Variants in PUS10 observed in about 807,000 individuals in gnomAD.
PUS10 encodes the protein tRNA pseudouridine synthase Pus10.
PUS10 carries 59 observed loss-of-function variants against 75.0 expected under a neutral mutation model. The ratio of observed to expected loss-of-function variants is 0.79; its 90% CI spans 0.64 to 0.98. The LOEUF (loss-of-function observed/expected upper bound fraction) is 0.98, where lower values mean the gene tolerates loss of function less well. Among genes scored for constraint, PUS10 ranks in the 50% least tolerant of loss-of-function variants. The pLI, the probability that PUS10 is intolerant of heterozygous loss-of-function variation, is 0.00. For missense variants in PUS10, 650 were observed against 614.4 expected (o/e 1.06, Z -0.61); for synonymous variants, 219 against 211.6 (o/e 1.03, Z -0.30).
chr2:60,966,668 A>T (rs1348703207), intron 6 of PUS10: 1 of 152,260 alleles, frequency 6.6e-6, no homozygotes, highest in South Asian at 2.1e-4. Flanking sequence ...TTTCCTCTTC[A>T]TGCTATCTGT....
In PUS10 at chr2:61,010,758, A is replaced by C. The variant is rs968949460; in HGVS notation, c.126+1007T>G. On this transcript the variant is annotated intron_variant, in intron 2 of 17. Transcript: ENST00000316752. ...CTGGAAAGTGGTGGAACTGGGATTCAAATCCATGTCTTCTAGTTCCAAATC... is the reference window on the plus strand; with the variant it reads ...CTGGAAAGTGGTGGAACTGGGATTCCAATCCATGTCTTCTAGTTCCAAATC... 4 of 1,548,530 alleles carry C rather than the reference A, an allele frequency of 2.6e-6. No individual in the cohort carries two copies. In the African/African-American group the frequency reaches 5.5e-5, roughly 21 times the overall value.
chr2:60,987,718 T>G (rs568113459), intron 4 of PUS10, among the ~76,000 whole-genome samples: 65 of 151,070 alleles, frequency 4.3e-4, no homozygotes, highest in Non-Finnish European at 8.7e-4. Context: ...AGGTCAGGAG[T>G]TCGAGACAAG....
chr2:61,012,887 T>TATATATATATATATATACACAC, intron 1 of PUS10, among the ~76,000 whole-genome samples: 1 of 88,898 alleles, frequency 1.1e-5, no homozygotes, highest in Non-Finnish European at 2.3e-5. Flanking sequence ...TATATATATA[T>TATATATATATATATATACACAC]ACACACACAC....
intron 15 of PUS10, among the ~76,000 whole-genome samples, chr2:60,948,859 G>A (rs754721151): frequency 1.3e-5 from 2 of 152,008 alleles, no homozygotes; most frequent in Non-Finnish European, 2.9e-5. Context: ...AGAGGTTAAC[G>A]CTGTAAAAGG....
chr2:60,965,800 T>A (rs1466072630), intron 6 of PUS10: 1 of 191,848 alleles, frequency 5.2e-6, no homozygotes, highest in African/African-American at 2.4e-5. Flanking sequence ...TGAAAATAAA[T>A]AATAACAGAG....
At chr2:60,961,630 G>T in intron 9 of PUS10, 82 bp from the exon 10 acceptor site, 1 of 1,166,050 alleles carries the variant, frequency 8.6e-7, no homozygotes, top group South Asian at 1.2e-5. Context: ...CATTGTCTGA[G>T]ACATACACAG....
intron 17 of PUS10, among the ~76,000 whole-genome samples, chr2:60,943,814 T>A (rs991054601): frequency 1.3e-5 from 2 of 151,724 alleles, no homozygotes; most frequent in Non-Finnish European, 2.9e-5. Flanking sequence ...CAAGTTGTAG[T>A]GCTTAAAAAG....
At chr2:61,008,631 G>A in intron 3 of PUS10, 130 bp downstream of exon 3, 1 of 738,148 alleles carries the variant, frequency 1.4e-6, no homozygotes, top group Non-Finnish European at 2.1e-6. Flanking sequence ...CTGCACTTCA[G>A]CCTAGGCAAC....
chr2:61,012,867 AATATAT>A (rs1559006783), intron 1 of PUS10, among the ~76,000 whole-genome samples: 16 of 27,742 alleles, frequency 5.8e-4, no homozygotes, highest in East Asian at 5.2e-3. Context: ...AAAAAAAAAA[AATATAT>A]ATATATATAT....
At chr2:60,991,159 A>G (rs1419275640) in intron 4 of PUS10, among the ~76,000 whole-genome samples, 2 of 152,172 alleles carry the variant, frequency 1.3e-5, no homozygotes, top group Admixed American at 6.5e-5. Context: ...GATTACAGGC[A>G]TGAGTCCCTG....
intron 11 of PUS10, among the ~76,000 whole-genome samples, chr2:60,957,219 A>G (rs1324614239): frequency 1.3e-5 from 2 of 152,176 alleles, no homozygotes; most frequent in Non-Finnish European, 2.9e-5. Context: ...GCCTTGTCTC[A>G]TCCCCCTAAG....
At chr2:60,943,958 T>TCAA (rs1254793827) in intron 17 of PUS10, among the ~76,000 whole-genome samples, 2 of 151,474 alleles carry the variant, frequency 1.3e-5, no homozygotes, top group Non-Finnish European at 2.9e-5. Flanking sequence ...AGACCCCATC[T>TCAA]CAACAACAAC....
intron 1 of PUS10, 50 bp from the exon 2 acceptor site, chr2:61,011,955 C>G: frequency 2.1e-6 from 3 of 1,452,162 alleles, no homozygotes; most frequent in Non-Finnish European, 2.8e-6. Context: ...GTTTTACTGT[C>G]ACAGACAAGT....
intron 15 of PUS10, among the ~76,000 whole-genome samples, chr2:60,950,957 T>A (rs531343403): frequency 6.6e-6 from 1 of 152,334 alleles, no homozygotes; most frequent in African/African-American, 2.4e-5. Flanking sequence ...ACTACATTTC[T>A]ACTGAGAACT....
rs1400169909 is a variant in PUS10 at position 60,964,924 on chromosome 2, T to G, written c.723+134A>C. On this transcript the variant is annotated intron_variant, in intron 8 of 17. Transcript: ENST00000316752. ...GAAAAACAAAAATTAATGTAGCAAA[T>G]GGAAATATTTAAAAGCTGATTCTTA... 3.7e-6 allele frequency: 3 copies of G among 807,818 alleles called. No homozygotes were observed. The African/African-American group carries it at 5.2e-5, about 14-fold the overall frequency. The allele number at this position is 807,818 out of a possible 1,614,324, so 50.0% of individuals were successfully genotyped here. A position where few individuals can be genotyped will look rare whatever the true frequency, so the allele number is the denominator to read the frequency against.
intron 5 of PUS10, among the ~76,000 whole-genome samples, chr2:60,968,488 C>T (rs1333940530): frequency 1.3e-5 from 2 of 151,846 alleles, no homozygotes; most frequent in African/African-American, 4.8e-5. Context: ...CTTTTAATGC[C>T]CAATTTTCAC....
intron 16 of PUS10, among the ~76,000 whole-genome samples, chr2:60,946,962 A>G (rs1192013614): frequency 1.3e-5 from 2 of 152,200 alleles, no homozygotes; most frequent in Non-Finnish European, 2.9e-5. Flanking sequence ...ACCAAGAAAC[A>G]AACAAAAACT....
chr2:60,952,350 A>G (rs1056975922), intron 15 of PUS10, among the ~76,000 whole-genome samples: 1 of 151,706 alleles, frequency 6.6e-6, no homozygotes, highest in African/African-American at 2.4e-5. Context: ...AAAAAAAAAA[A>G]AAGAAAAAAA....
chr2:60,989,561 G>A (rs983100715), intron 4 of PUS10, among the ~76,000 whole-genome samples: 3 of 152,092 alleles, frequency 2.0e-5, no homozygotes, highest in African/African-American at 7.2e-5. Context: ...AATGAAGACA[G>A]ATAGCTCAGT....
Sources: gnomAD v4.1 joint callset for allele counts (sites outside exome capture counted in the v4.1 genomes callset) on GRCh38, gnomAD v4.1.1 for gene constraint, MANE v1.5 for transcripts, NCBI Gene and HGNC (gene_info 2026-07-23, HGNC 2026-07-21) for gene names.